The following PIK3CB variants were observed in gnomAD, a reference collection of about 807,000 sequenced individuals.
PIK3CB encodes phosphatidylinositol-4,5-bisphosphate 3-kinase catalytic subunit beta, also known as phosphatidylinositol 4,5-bisphosphate 3-kinase catalytic subunit beta isoform.
In PIK3CB, 39 loss-of-function variants were observed where a neutral mutation model predicts 136.8. The ratio of observed to expected loss-of-function variants is 0.29; its 90% CI spans 0.22 to 0.37. The LOEUF (loss-of-function observed/expected upper bound fraction) is 0.37, where lower values mean the gene tolerates loss of function less well. Among genes scored for constraint, PIK3CB ranks in the 10% least tolerant of loss-of-function variants. The pLI, the probability that PIK3CB is intolerant of heterozygous loss-of-function variation, is 1.00. For missense variants in PIK3CB, 868 were observed against 1,275.4 expected, an observed-to-expected ratio of 0.68 and a Z score of 4.87; for synonymous variants, 428 against 436.6, an observed-to-expected ratio of 0.98 and a Z score of 0.25.
intron 2 of PIK3CB, among the ~76,000 whole-genome samples, chr3:138,771,509 G>A (rs1410179318): frequency 1.3e-5 from 2 of 152,074 alleles, no homozygotes; most frequent in Non-Finnish European, 2.9e-5. Flanking sequence ...TAAGCCACCC[G>A]CGCCCGGCCC....
intron 21 of PIK3CB, among the ~76,000 whole-genome samples, chr3:138,661,368 A>T (rs2043292743): frequency 6.6e-6 from 1 of 151,994 alleles, no homozygotes; most frequent in Non-Finnish European, 1.5e-5. Flanking sequence ...CTTTTATGGG[A>T]CTTGCGTACC....
chr3:138,778,623 CA>C, intron 2 of PIK3CB: 1 of 208,272 alleles, frequency 4.8e-6, no homozygotes, highest in South Asian at 7.1e-5. Context: ...GAGGACCCCT[CA>C]AAGGCATCCT....
chr3:138,825,726 T>C lies in PIK3CB; in HGVS notation c.-122+8969A>G, dbSNP rs1044298792. The C allele has an allele frequency of 7.3e-6, 5 of 683,224 alleles. No homozygotes were observed. In the African/African-American group the frequency reaches 8.9e-5, roughly 12 times the overall value. The allele number at this position is 683,224 out of a possible 1,614,324, so 42.3% of individuals were successfully genotyped here. ...TCTACAAAACTGGTGATATTGGTAC[T>C]GTGCCTATAGGCCAAGTGGAGACTG... On this transcript the variant is annotated intron_variant, in intron 1 of 23. Transcript: ENST00000674063.
At chr3:138,828,460 C>T (rs1227939032) in intron 1 of PIK3CB, among the ~76,000 whole-genome samples, 1 of 152,110 alleles carries the variant, frequency 6.6e-6, no homozygotes, top group Non-Finnish European at 1.5e-5. Context: ...GCTGGGATTA[C>T]AGGCGTAAAC....
intron 2 of PIK3CB, among the ~76,000 whole-genome samples, chr3:138,780,406 G>A (rs1007156920): frequency 6.6e-6 from 1 of 152,108 alleles, no homozygotes; most frequent in African/African-American, 2.4e-5. Context: ...AAGTAGCTGG[G>A]ATTACAGGTG....
At chr3:138,822,903 A>AAT (rs1246366717) in intron 1 of PIK3CB, among the ~76,000 whole-genome samples, 2 of 147,524 alleles carry the variant, frequency 1.4e-5, no homozygotes, top group Non-Finnish European at 3.0e-5. Flanking sequence ...TTATACATGA[A>AAT]ATATATATAT....
chr3:138,759,093 A>T, intron 3 of PIK3CB, 80 bp downstream of exon 3: 1 of 868,164 alleles, frequency 1.2e-6, no homozygotes, highest in Non-Finnish European at 1.7e-6. Context: ...AATTTACATT[A>T]ACATTTTCTA....
chr3:138,785,972 T>C (rs1009010349), intron 2 of PIK3CB, among the ~76,000 whole-genome samples: 10 of 151,968 alleles, frequency 6.6e-5, no homozygotes, highest in Admixed American at 6.6e-4. Context: ...ATAGGAAAAA[T>C]GAATAAAATA....
chr3:138,710,885 C>T (rs1414674589), intron 10 of PIK3CB, among the ~76,000 whole-genome samples: 2 of 151,560 alleles, frequency 1.3e-5, no homozygotes, highest in Admixed American at 6.6e-5. Flanking sequence ...GAGATCGAGA[C>T]GATCCTGGCT....
At chr3:138,831,070 C>G (rs1934012772) in intron 1 of PIK3CB, among the ~76,000 whole-genome samples, 1 of 147,034 alleles carries the variant, frequency 6.8e-6, no homozygotes, top group Non-Finnish European at 1.5e-5. Context: ...ATCACGAGGT[C>G]AGGAGATCAA....
chr3:138,808,832 T>C, intron 1 of PIK3CB, among the ~76,000 whole-genome samples: 1 of 151,770 alleles, frequency 6.6e-6, no homozygotes, highest in Admixed American at 6.6e-5. Context: ...TATATTAGAC[T>C]ATATAACATA....
chr3:138,733,905 C>T (rs1332730486), intron 7 of PIK3CB, among the ~76,000 whole-genome samples: 3 of 151,932 alleles, frequency 2.0e-5, no homozygotes, highest in African/African-American at 7.3e-5. Context: ...ATTAATTAAG[C>T]ATTATAACCC....
intron 1 of PIK3CB, among the ~76,000 whole-genome samples, chr3:138,828,506 C>T (rs1013384022): frequency 1.3e-5 from 2 of 152,022 alleles, no homozygotes; most frequent in African/African-American, 4.8e-5. Context: ...ATTTTCCAGG[C>T]ATTGTTCTGG....
chr3:138,705,537 T>G (rs1395256956), intron 11 of PIK3CB, among the ~76,000 whole-genome samples: 1 of 152,132 alleles, frequency 6.6e-6, no homozygotes, highest in African/African-American at 2.4e-5. Context: ...GAAAAACATG[T>G]TTAAAAAACT....
rs144289209 is a variant in PIK3CB, at chr3:138,771,470, G to A, written c.-16-12111C>T. ...CCTGACCTCGTGATCTGCCCACCTC[G>A]GCCTCCCAAAGTGCTGGGATTACAG... On this transcript the variant is annotated intron_variant, in intron 2 of 23. Transcript: ENST00000674063. Among the ~76,000 whole-genome samples the A allele has an allele frequency of 1.6e-3, 243 of 151,734 alleles. 1 individual carries two copies. Among genetic ancestry groups the A allele is most frequent in the African/African-American group, 5.7e-3 (236 of 41,384 alleles).
At chr3:138,667,207 C>CAAAAAAAA (rs149370978) in intron 19 of PIK3CB, among the ~76,000 whole-genome samples, 2 of 72,678 alleles carry the variant, frequency 2.8e-5, no homozygotes, top group African/African-American at 5.4e-5. Context: ...GACTCTGTCT[C>CAAAAAAAA]AAAAAAAAAA....
At chr3:138,787,273 G>A (rs1283777709) in intron 2 of PIK3CB, among the ~76,000 whole-genome samples, 1 of 151,686 alleles carries the variant, frequency 6.6e-6, no homozygotes, top group Non-Finnish European at 1.5e-5. Flanking sequence ...GGCTGAGGCA[G>A]GAGAATTGCT....
intron 19 of PIK3CB, among the ~76,000 whole-genome samples, chr3:138,678,330 C>T (rs1185542057): frequency 6.6e-6 from 1 of 151,958 alleles, no homozygotes; most frequent in African/African-American, 2.4e-5. Flanking sequence ...CATGCCAGTG[C>T]ACTCAAGCGT....
At chr3:138,752,436 T>G (rs927459350) in intron 4 of PIK3CB, among the ~76,000 whole-genome samples, 3 of 152,228 alleles carry the variant, frequency 2.0e-5, no homozygotes, top group East Asian at 3.8e-4. Flanking sequence ...CTGCAAAAAT[T>G]GACTTGACTT....
Sources: allele counts gnomAD v4.1 joint callset (sites outside exome capture counted in the v4.1 genomes callset), GRCh38; gene constraint gnomAD v4.1.1; transcripts MANE v1.5; gene names NCBI Gene and HGNC (gene_info 2026-07-23, HGNC 2026-07-21).